EFHB: variants seen among roughly 807,000 people sequenced by gnomAD.
The protein encoded by EFHB is EF-hand domain family member B, also known as EF-hand domain-containing family member B.
Under a neutral mutation model 87.2 loss-of-function variants are expected in EFHB, and 91 were observed. That is an observed-to-expected ratio of 1.04 (90% CI 0.88 to 1.24). EFHB has a LOEUF of 1.24. Among genes scored for constraint, EFHB ranks in the 50% most tolerant of loss-of-function variants. The pLI is 0.00. For synonymous variants in EFHB, 325 were observed against 333.6 expected (o/e 0.97, Z 0.28); for missense variants, 1,084 against 998.8 (o/e 1.09, Z -1.15).
At chr3:19,887,621 A>ACACTAACAC (rs1174805120) in intron 10 of EFHB, among the ~76,000 whole-genome samples, 1 of 152,180 alleles carries the variant, frequency 6.6e-6, no homozygotes, top group Admixed American at 6.5e-5. Context: ...CACATAAAGT[A>ACACTAACAC]CACTAACACT....
At chr3:19,918,141 C>T in intron 4 of EFHB, 91 bp downstream of exon 4, 1 of 1,278,006 alleles carries the variant, frequency 7.8e-7, no homozygotes, top group Non-Finnish European at 1.1e-6. Context: ...ACACCATCAC[C>T]AAACATCATA....
chr3:19,893,717 G>A (rs1181608486), intron 9 of EFHB, among the ~76,000 whole-genome samples: 1 of 152,126 alleles, frequency 6.6e-6, no homozygotes, highest in African/African-American at 2.4e-5. Flanking sequence ...CCTAGTTACT[G>A]CACCTCCACA....
In EFHB at chr3:19,928,899, T is replaced by C. The variant is rs1264211972; in HGVS notation, c.789+4331A>G. On this transcript the variant is annotated intron_variant, in intron 1 of 12. Transcript: ENST00000295824. ...CTAAAATATCCATACACAAGCAAAATAGTCATTAAAAAAGGAAATAATGAT... is the reference window on the plus strand; with the variant it reads ...CTAAAATATCCATACACAAGCAAAACAGTCATTAAAAAAGGAAATAATGAT... Among the ~76,000 whole-genome samples, 6 of 151,650 alleles carry C rather than the reference T, an allele frequency of 4.0e-5. No homozygotes were observed. The South Asian group carries it at 1.0e-3, about 26-fold the overall frequency.
At chr3:19,894,872 T>G (rs1450091758) in intron 9 of EFHB, 1 of 151,732 alleles carries the variant, frequency 6.6e-6, no homozygotes, top group Non-Finnish European at 1.5e-5. Flanking sequence ...TAATCCCAGC[T>G]ACTTGGGAGG....
At chr3:19,924,777 T>C (rs868370579) in intron 1 of EFHB, among the ~76,000 whole-genome samples, 17 of 152,298 alleles carry the variant, frequency 1.1e-4, no homozygotes, top group Middle Eastern at 3.4e-3. Context: ...CCAAGGAGCT[T>C]AATTTCTTTT....
chr3:19,882,440 T>C, intron 12 of EFHB, 110 bp downstream of exon 12: 7 of 1,022,502 alleles, frequency 6.8e-6, no homozygotes, highest in Non-Finnish European at 9.2e-6. Flanking sequence ...ATCCTATACT[T>C]GGGGATCCTG....
intron 3 of EFHB, 129 bp from the exon 4 acceptor site, chr3:19,918,541 C>G: frequency 2.3e-6 from 2 of 859,534 alleles, no homozygotes; most frequent in South Asian, 4.8e-5. Context: ...TCATTATTGG[C>G]TTTGCTCACC....
Position 19,933,570 on chromosome 3 carries a change from C to T in EFHB, c.449G>A (p.Gly150Asp), listed in dbSNP as rs766737990. 4 of 1,614,016 alleles carry T rather than the reference C, an allele frequency of 2.5e-6. No individual in the cohort carries two copies. The highest frequency in any genetic ancestry group is 2.2e-5 in the East Asian group (1 of 44,884). Residue 150 changes from glycine to aspartate, a missense_variant, in exon 1 of 13, where the codon GGC becomes GAC. Physicochemically the swap from Gly to Asp is moderately conservative, Grantham distance 94. Transcript: ENST00000295824. ...CACTAATTCCTCTACCCCTTCAGGG[C>T]CACTAGCCAAAGGAGCTCTCCTGCT... ...AGSRRAPLAS[G>D]PEGVEELVGK... is the part of the protein sequence containing the mutation.
chr3:19,890,694 A>G (rs1426136197), intron 9 of EFHB, among the ~76,000 whole-genome samples: 1 of 152,120 alleles, frequency 6.6e-6, no homozygotes, highest in Non-Finnish European at 1.5e-5. Flanking sequence ...TTGAGTTACA[A>G]GTCTATAACT....
In EFHB at chr3:19,933,897, G is replaced by T; in HGVS notation, c.122C>A (p.Ser41Tyr). Residue 41 changes from serine to tyrosine, a missense_variant, in exon 1 of 13, where the codon TCC becomes TAC. Ser to Tyr is a moderately radical substitution (Grantham distance 144). Transcript: ENST00000295824. ...GIRVGLGKEDSRCGESPVVSN... is the reference protein window; with the variant it reads ...GIRVGLGKEDYRCGESPVVSN... ...AACCACAGGGCTCTCCCCGCATCGG[G>T]AATCTTCTTTTCCTAATCCTACTCT... The T allele has an allele frequency of 1.2e-6, 2 of 1,613,872 alleles. No homozygotes were observed. Among genetic ancestry groups the T allele is most frequent in the Non-Finnish European group, 1.7e-6 (2 of 1,179,886 alleles).
chr3:19,935,704 C>T (rs1007926492), upstream of EFHB, among the ~76,000 whole-genome samples: 13 of 151,780 alleles, frequency 8.6e-5, no homozygotes, highest in Non-Finnish European at 1.5e-4. Flanking sequence ...GAGTGAGATT[C>T]CATTTAAAAA....
At chr3:19,908,602 A>AGAGAGAGAGAC (rs1559459816) in intron 5 of EFHB, among the ~76,000 whole-genome samples, 2 of 77,382 alleles carry the variant, frequency 2.6e-5, no homozygotes, top group East Asian at 6.2e-4. Flanking sequence ...GAGAGAGAGA[A>AGAGAGAGAGAC]AGAAAGAAAG....
At chr3:19,938,881 C>G (rs1348193506), upstream of EFHB, among the ~76,000 whole-genome samples, 1 of 152,124 alleles carries the variant, frequency 6.6e-6, no homozygotes, top group Non-Finnish European at 1.5e-5. Flanking sequence ...CACTCGCACA[C>G]TGGGCTATTT....
At chr3:19,923,141 C>T (rs1019508833) in intron 1 of EFHB, among the ~76,000 whole-genome samples, 1 of 152,066 alleles carries the variant, frequency 6.6e-6, no homozygotes, top group Non-Finnish European at 1.5e-5. Context: ...GTGGCGCATG[C>T]CTGTAGTCCC....
In EFHB at chr3:19,884,520, C is replaced by A. The variant is rs140775629; in HGVS notation, c.2029G>T (p.Ala677Ser). The change falls in exon 11 of 13, where the codon GCA becomes TCA. Residue 677 changes from alanine (A) to serine (S), a missense_variant. Coordinates refer to ENST00000295824, the MANE Select transcript of EFHB (RefSeq NM_144715.4). ...IKPEDIVLKE[A>S]GSTEKTLRTL... ...CGGAGAGTCTTTTCTGTGCTTCCTG[C>A]TTCTTTTAAGACAATATCTTCTGGC... The A allele has an allele frequency of 1.1e-5, 17 of 1,613,820 alleles. No individual in the cohort carries two copies. In the African/African-American group the frequency reaches 2.0e-4, roughly 19 times the overall value.
chr3:19,923,819 T>C (rs1478219671), intron 1 of EFHB, among the ~76,000 whole-genome samples: 1 of 152,262 alleles, frequency 6.6e-6, no homozygotes, highest in Non-Finnish European at 1.5e-5. Flanking sequence ...AGATGTTGCA[T>C]TTATTGCATT....
At chr3:19,893,083 T>C (rs906733849) in intron 9 of EFHB, among the ~76,000 whole-genome samples, 5 of 152,000 alleles carry the variant, frequency 3.3e-5, no homozygotes, top group Non-Finnish European at 5.9e-5. Context: ...CCCGAGTAGC[T>C]AGGATTACAG....
At chr3:19,889,833 A>G (rs1338909896) in intron 9 of EFHB, among the ~76,000 whole-genome samples, 1 of 152,114 alleles carries the variant, frequency 6.6e-6, no homozygotes, top group Non-Finnish European at 1.5e-5. Context: ...TACTGAAAAT[A>G]CAAAATTAGC....
In EFHB at chr3:19,882,570, TGAA is replaced by T. The variant is rs756528655; in HGVS notation, c.2305_2307del (p.Phe769del). On this transcript the variant is annotated inframe_deletion, in exon 12 of 13. Coordinates refer to ENST00000295824, the MANE Select transcript of EFHB (RefSeq NM_144715.4). ...TATACCTCTTCTTTTGATCTGGTCT[TGAA>T]GAAGTCTCTTTCAAACACTCCTTTC... is the stretch of plus-strand genomic sequence containing the variant. 4.4e-6 allele frequency: 7 copies of T among 1,608,068 alleles called. No individual in the cohort carries two copies. The South Asian group carries it at 7.8e-5, about 18-fold the overall frequency.
Sources: gnomAD v4.1 joint callset for allele counts (sites outside exome capture counted in the v4.1 genomes callset) on GRCh38, gnomAD v4.1.1 for gene constraint, MANE v1.5 for transcripts, NCBI Gene and HGNC (gene_info 2026-07-23, HGNC 2026-07-21) for gene names.